The following ACTR3 variants were observed in gnomAD, a reference collection of about 807,000 sequenced individuals.
ACTR3 encodes actin related protein 3, also known as actin-related protein 3.
A neutral mutation model predicts 56.8 loss-of-function variants in ACTR3; 12 were observed. The ratio of observed to expected loss-of-function variants is 0.21; its 90% CI spans 0.14 to 0.34. The LOEUF is 0.34. Ranked by LOEUF, ACTR3 falls within the 10% of genes least tolerant of loss-of-function variation. The probability of loss-of-function intolerance (pLI) is 1.00; values close to 1 mark genes in which losing one functional copy is unlikely to be tolerated. For synonymous variants in ACTR3, 162 were observed against 167.4 expected (o/e 0.97, Z 0.25); for missense variants, 282 against 512.5 (o/e 0.55, Z 4.34).
intron 3 of ACTR3, among the ~76,000 whole-genome samples, chr2:113,920,260 G>T (rs1031060121): frequency 2.0e-5 from 3 of 152,054 alleles, no homozygotes; most frequent in African/African-American, 7.2e-5. Flanking sequence ...GTCTCCTTCT[G>T]TTGCCCATGC....
intron 1 of ACTR3, among the ~76,000 whole-genome samples, chr2:113,901,136 C>T (rs1048997132): frequency 2.0e-5 from 3 of 152,080 alleles, no homozygotes; most frequent in Non-Finnish European, 4.4e-5. Context: ...CTGACCAACA[C>T]GGAGAAACCC....
At position 113,960,962 on chromosome 2, in the gene ACTR3, C is replaced by T. The variant is rs772430261; in HGVS notation, c.*3507C>T. ...CCAAGGACAGAGTTGTTACAAGTTA[C>T]GTGGAACTTTCATAGCAAATCTTGA... On this transcript the variant is annotated 3_prime_UTR_variant, in exon 12 of 12. Transcript: ENST00000263238. 6.6e-6 allele frequency: 1 copy of T among 151,980 alleles called. No homozygotes were observed. The highest frequency in any genetic ancestry group is 1.9e-4 in the East Asian group (1 of 5,198). The allele number at this position is 151,980 out of a possible 1,614,324, so 9.4% of individuals were successfully genotyped here.
intron 1 of ACTR3, among the ~76,000 whole-genome samples, chr2:113,892,947 G>C (rs1300102194): frequency 6.6e-6 from 1 of 152,078 alleles, no homozygotes; most frequent in Non-Finnish European, 1.5e-5. Context: ...CTCAACATAT[G>C]AATCACCTAG....
At chr2:113,918,306 A>C (rs1559469182) in intron 3 of ACTR3, among the ~76,000 whole-genome samples, 1 of 151,928 alleles carries the variant, frequency 6.6e-6, no homozygotes, top group Non-Finnish European at 1.5e-5. Flanking sequence ...TCATTCAGTG[A>C]CTTAACCTTT....
At chr2:113,910,776 G>A (rs1338881356) in intron 1 of ACTR3, among the ~76,000 whole-genome samples, 1 of 152,162 alleles carries the variant, frequency 6.6e-6, no homozygotes, top group African/African-American at 2.4e-5. Flanking sequence ...TTGTTTTTAG[G>A]TATATTATTC....
At chr2:113,911,922 G>C (rs1482078381) in intron 1 of ACTR3, among the ~76,000 whole-genome samples, 1 of 150,066 alleles carries the variant, frequency 6.7e-6, no homozygotes, top group Admixed American at 6.6e-5. Context: ...TTTTAGTAGA[G>C]TTGGGGGTTT....
At chr2:113,893,204 A>C (rs1038173066) in intron 1 of ACTR3, among the ~76,000 whole-genome samples, 7 of 152,080 alleles carry the variant, frequency 4.6e-5, no homozygotes, top group Non-Finnish European at 1.0e-4. Flanking sequence ...AAACATTGTA[A>C]CACTTGTATG....
intron 1 of ACTR3, among the ~76,000 whole-genome samples, chr2:113,893,953 A>G (rs1000130646): frequency 6.6e-6 from 1 of 152,220 alleles, no homozygotes; most frequent in African/African-American, 2.4e-5. Flanking sequence ...TTGTGGCCAC[A>G]ATTCAGCAAT....
intron 3 of ACTR3, among the ~76,000 whole-genome samples, chr2:113,917,364 T>C (rs1679426167): frequency 6.6e-6 from 1 of 152,214 alleles, no homozygotes; most frequent in Non-Finnish European, 1.5e-5. Context: ...TTTTGAAGTT[T>C]ATGCCATCTG....
intron 1 of ACTR3, among the ~76,000 whole-genome samples, chr2:113,911,134 TA>T (rs1285057244): frequency 6.6e-6 from 1 of 152,164 alleles, no homozygotes; most frequent in Non-Finnish European, 1.5e-5. Context: ...GCAGTGTTAA[TA>T]GTGGCTTGGT....
chr2:113,923,138 C>G (rs1679541633), intron 3 of ACTR3, among the ~76,000 whole-genome samples: 1 of 152,132 alleles, frequency 6.6e-6, no homozygotes, highest in African/African-American at 2.4e-5. Flanking sequence ...TTTATTCCTA[C>G]CTTCTGTCCT....
chr2:113,890,657 C>T, intron 1 of ACTR3: 3 of 1,204,194 alleles, frequency 2.5e-6, no homozygotes, highest in Non-Finnish European at 3.1e-6. Flanking sequence ...GGGTGGTCCC[C>T]GGGCCCGACC....
intron 1 of ACTR3, among the ~76,000 whole-genome samples, chr2:113,893,210 G>A (rs772292095): frequency 6.6e-6 from 1 of 151,826 alleles, no homozygotes; most frequent in Non-Finnish European, 1.5e-5. Context: ...TGTAACACTT[G>A]TATGATCATC....
chr2:113,890,327 A>C lies in ACTR3; in HGVS notation c.44+4A>C. 9 of 412,082 alleles carry C rather than the reference A, an allele frequency of 2.2e-5. No homozygotes were observed. The highest frequency in any genetic ancestry group is 3.1e-5 in the Non-Finnish European group (9 of 286,202). 25.5% of individuals were successfully genotyped at this position (412,082 alleles called of 1,614,324 possible). On this transcript the variant is annotated splice_donor_region_variant and intron_variant, in intron 1 of 11. Transcript: ENST00000263238. ...GTGTGGTGGACTGTGGCACGGGGTA[A>C]GGGGGCTTACGGGCGGGGGTGGGGA...
chr2:113,931,267 TA>T, intron 4 of ACTR3, 33 bp from the exon 5 acceptor site: 1 of 1,253,580 alleles, frequency 8.0e-7, no homozygotes, highest in Non-Finnish European at 1.1e-6. Context: ...AATAATCTGA[TA>T]TTATCTATTT....
intron 4 of ACTR3, among the ~76,000 whole-genome samples, chr2:113,930,896 A>T (rs936128750): frequency 1.3e-5 from 2 of 152,170 alleles, no homozygotes; most frequent in African/African-American, 2.4e-5. Context: ...TAAAAGCATT[A>T]CTTAGATGAG....
intron 3 of ACTR3, among the ~76,000 whole-genome samples, chr2:113,921,136 T>G (rs944370744): frequency 1.3e-5 from 2 of 152,146 alleles, no homozygotes; most frequent in African/African-American, 4.8e-5. Context: ...TTTGTGATTT[T>G]TTTTGTCTTT....
Position 113,927,330 on chromosome 2 carries a change from T to G in ACTR3, c.226-15T>G. On this transcript the variant is annotated splice_polypyrimidine_tract_variant and intron_variant, in intron 3 of 11. Coordinates refer to ENST00000263238, the MANE Select transcript of ACTR3 (RefSeq NM_005721.5). Reference sequence around the variant, plus strand: ...TAATAAGATTTAATTTGTATTTCCCTTTTTGTTTTAATAGTGGCCAATCCG... The same window carrying G: ...TAATAAGATTTAATTTGTATTTCCCGTTTTGTTTTAATAGTGGCCAATCCG... 6.6e-7 allele frequency: 1 copy of G among 1,503,966 alleles called. No homozygotes were observed. The highest frequency in any genetic ancestry group is 1.3e-5 in the South Asian group (1 of 75,372). 93.2% of individuals were successfully genotyped at this position (1,503,966 alleles called of 1,614,324 possible). A position where few individuals can be genotyped will look rare whatever the true frequency, so the allele number is the denominator to read the frequency against.
chr2:113,920,612 T>C (rs1010107251), intron 3 of ACTR3, among the ~76,000 whole-genome samples: 3 of 152,232 alleles, frequency 2.0e-5, no homozygotes, highest in Non-Finnish European at 4.4e-5. Flanking sequence ...TGTAATTTTG[T>C]ATCCTTTATT....
Sources: gnomAD v4.1 joint callset for allele counts (sites outside exome capture counted in the v4.1 genomes callset) on GRCh38, gnomAD v4.1.1 for gene constraint, MANE v1.5 for transcripts, NCBI Gene and HGNC (gene_info 2026-07-23, HGNC 2026-07-21) for gene names.